The following SIL1 variants were observed in gnomAD, a reference collection of about 807,000 sequenced individuals.
SIL1 encodes nucleotide exchange factor SIL1.
Under a neutral mutation model 49.1 loss-of-function variants are expected in SIL1, and 40 were observed. That is an observed-to-expected ratio of 0.81 (90% CI 0.63 to 1.06). SIL1 has a LOEUF of 1.06. SIL1 is among the 50% of genes least tolerant of loss of function. The pLI is 0.00. For synonymous variants in SIL1, 253 were observed against 250.8 expected, an observed-to-expected ratio of 1.01 and a Z score of -0.08; for missense variants, 500 against 572.6, an observed-to-expected ratio of 0.87 and a Z score of 1.29.
chr5:139,059,463 T>C (rs1769536091), intron 3 of SIL1, among the ~76,000 whole-genome samples: 1 of 152,200 alleles, frequency 6.6e-6, no homozygotes, highest in Admixed American at 6.5e-5. Flanking sequence ...ATTAGCAGCA[T>C]GGAAACTAAT....
At chr5:138,950,490 AGCG>A (rs1383094444) in intron 9 of SIL1, among the ~76,000 whole-genome samples, 1 of 152,210 alleles carries the variant, frequency 6.6e-6, no homozygotes, top group Non-Finnish European at 1.5e-5. Flanking sequence ...CAGCAGTTCC[AGCG>A]GCTGCCCAGC....
chr5:138,982,096 T>C (rs1767539934), intron 7 of SIL1, among the ~76,000 whole-genome samples: 1 of 152,230 alleles, frequency 6.6e-6, no homozygotes, highest in Non-Finnish European at 1.5e-5. Flanking sequence ...GCCTGACATG[T>C]TGTAGGTACT....
chr5:139,110,470 G>C (rs893564591), intron 3 of SIL1, among the ~76,000 whole-genome samples: 1 of 152,114 alleles, frequency 6.6e-6, no homozygotes, highest in Non-Finnish European at 1.5e-5. Flanking sequence ...TAAACAGACT[G>C]TTCTGGGAAT....
intron 1 of SIL1, among the ~76,000 whole-genome samples, chr5:139,141,234 CA>C (rs1403966897): frequency 2.0e-5 from 3 of 151,940 alleles, no homozygotes; most frequent in Non-Finnish European, 4.4e-5. Flanking sequence ...TCCTGGCACT[CA>C]AAAAATAGCC....
At chr5:139,105,959 G>C (rs1770700411) in intron 3 of SIL1, among the ~76,000 whole-genome samples, 1 of 152,248 alleles carries the variant, frequency 6.6e-6, no homozygotes, top group African/African-American at 2.4e-5. Context: ...ATCTCTGCAA[G>C]CGAAGCCGTG....
At position 138,947,029 on chromosome 5, in the gene SIL1, C is replaced by CA; in HGVS notation, c.*87dup. ...CATTTAATGGCCAAGCCAGCACTGC[C>CA]AAGATGTCCTCCTGCCTGAGAAGCC... On this transcript the variant is annotated 3_prime_UTR_variant, in exon 10 of 10. Coordinates refer to ENST00000394817, the MANE Select transcript of SIL1 (RefSeq NM_022464.5). The surrounding 1 kb of genome is among the most constrained non-coding windows in gnomAD (Gnocchi z 4.1). The CA allele has an allele frequency of 2.0e-6, 2 of 1,000,092 alleles. No individual in the cohort carries two copies. Among genetic ancestry groups the CA allele is most frequent in the Non-Finnish European group, 3.1e-6 (2 of 642,408 alleles). 62.0% of individuals were successfully genotyped at this position (1,000,092 alleles called of 1,614,324 possible).
intron 1 of SIL1, among the ~76,000 whole-genome samples, chr5:139,163,135 G>A (rs555905719): frequency 6.6e-6 from 1 of 151,948 alleles, no homozygotes; most frequent in Admixed American, 6.6e-5. Context: ...AAGGCAGGCA[G>A]GGATCGGAAT....
chr5:138,993,570 T>C lies in SIL1; in HGVS notation c.767+27601A>G, dbSNP rs561452055. 8.5e-5 allele frequency among the ~76,000 whole-genome samples: 13 copies of C among 152,304 alleles called. No homozygotes were observed. The South Asian group carries it at 2.7e-3, about 32-fold the overall frequency. ...GATATATACGACTATGTGTATGTGA[T>C]TACACTACGTAAGACGGTAACATCT... On this transcript the variant is annotated intron_variant, in intron 7 of 9. Transcript: ENST00000394817.
intron 7 of SIL1, among the ~76,000 whole-genome samples, chr5:138,988,408 T>A (rs1275735571): frequency 6.6e-6 from 1 of 152,264 alleles, no homozygotes; most frequent in Non-Finnish European, 1.5e-5. Flanking sequence ...ACATCAAAGA[T>A]GTTTTGTGAG....
chr5:139,111,323 T>C (rs1323565003), intron 3 of SIL1, among the ~76,000 whole-genome samples: 1 of 152,196 alleles, frequency 6.6e-6, no homozygotes, highest in African/African-American at 2.4e-5. Context: ...CTCAGTCTCA[T>C]CACATTTATG....
rs1766680722 is a variant in SIL1 at position 138,948,312 on chromosome 5, A to C, written c.1030-839T>G. On this transcript the variant is annotated intron_variant, in intron 9 of 9. Transcript: ENST00000394817. The surrounding 1 kb of genome is among the most constrained non-coding windows in gnomAD (Gnocchi z 4.8). ...CCTGGGACAGGAGAGGCTGAGAGGT[A>C]TCCCCTAGTCCTTTCCTACTTCACC... is the stretch of plus-strand genomic sequence containing the variant. 6.6e-6 allele frequency among the ~76,000 whole-genome samples: 1 copy of C among 152,056 alleles called. No homozygotes were observed. The highest frequency in any genetic ancestry group is 6.5e-5 in the Admixed American group (1 of 15,270).
intron 3 of SIL1, among the ~76,000 whole-genome samples, chr5:139,085,345 GGAAACCACTTCGGT>G (rs1035561828): frequency 2.6e-5 from 4 of 152,132 alleles, no homozygotes; most frequent in African/African-American, 9.7e-5. Context: ...CTAAACAGTG[GGAAACCACTTCGGT>G]TTCTTCAGGG....
chr5:139,169,454 ATGTG>A (rs963066628), intron 1 of SIL1, among the ~76,000 whole-genome samples: 29 of 150,066 alleles, frequency 1.9e-4, no homozygotes, highest in East Asian at 3.9e-4. Context: ...GTGTGTGTGT[ATGTG>A]TGTGTGTATA....
intron 3 of SIL1, among the ~76,000 whole-genome samples, chr5:139,095,919 T>A (rs545230888): frequency 6.6e-6 from 1 of 152,320 alleles, no homozygotes; most frequent in South Asian, 2.1e-4. Flanking sequence ...CTCCATCAAT[T>A]GTCCCTCCTG....
At chr5:139,112,246 C>T (rs1770868436) in intron 3 of SIL1, among the ~76,000 whole-genome samples, 1 of 152,238 alleles carries the variant, frequency 6.6e-6, no homozygotes, top group Non-Finnish European at 1.5e-5. Context: ...GCCGAGATTG[C>T]AGCCTCTGCC....
intron 1 of SIL1, among the ~76,000 whole-genome samples, chr5:139,138,524 A>G: frequency 6.6e-6 from 1 of 152,108 alleles, no homozygotes; most frequent in East Asian, 1.9e-4. Flanking sequence ...TTCCCTTCCA[A>G]CCCACTACAG....
At chr5:139,161,339 A>G (rs1470006437) in intron 1 of SIL1, among the ~76,000 whole-genome samples, 1 of 152,222 alleles carries the variant, frequency 6.6e-6, no homozygotes, top group Admixed American at 6.5e-5. Flanking sequence ...GCTGTCCAAT[A>G]TCCTTCATTT....
intron 3 of SIL1, among the ~76,000 whole-genome samples, chr5:139,087,938 C>G (rs1001800525): frequency 2.4e-4 from 36 of 152,316 alleles, no homozygotes; most frequent in South Asian, 2.1e-3. Flanking sequence ...CACCCACAGC[C>G]AGGTGCTCAC....
intron 1 of SIL1, among the ~76,000 whole-genome samples, chr5:139,186,977 G>A (rs1752087239): frequency 6.6e-6 from 1 of 152,190 alleles, no homozygotes; most frequent in African/African-American, 2.4e-5. Flanking sequence ...CAACAGGATT[G>A]TTATCATTTC....
Sources: allele counts gnomAD v4.1 joint callset (sites outside exome capture counted in the v4.1 genomes callset), GRCh38; gene constraint gnomAD v4.1.1; non-coding constraint Gnocchi (gnomAD v3.1); transcripts MANE v1.5; gene names NCBI Gene and HGNC (gene_info 2026-07-23, HGNC 2026-07-21).